PPP1R12A: variants seen among roughly 807,000 people sequenced by gnomAD.
PPP1R12A encodes the protein myosin binding subunit.
Under a neutral mutation model 139.6 loss-of-function variants are expected in PPP1R12A, and 19 were observed. The observed-to-expected ratio is 0.14, with a 90% CI of 0.09 to 0.20. The LOEUF is 0.20. Ranked by LOEUF, PPP1R12A falls within the 10% of genes least tolerant of loss-of-function variation. The probability of loss-of-function intolerance (pLI) is 1.00; values close to 1 mark genes in which losing one functional copy is unlikely to be tolerated. For missense variants in PPP1R12A, 925 were observed against 1,211.5 expected (o/e 0.76, Z 3.51); for synonymous variants, 427 against 420.6 (o/e 1.02, Z -0.19).
chr12:79,850,195 T>C (rs1051131593), intron 2 of PPP1R12A, among the ~76,000 whole-genome samples: 2 of 152,222 alleles, frequency 1.3e-5, no homozygotes, highest in Non-Finnish European at 2.9e-5. Context: ...GAAACTCTGA[T>C]TTGATAATTT....
In PPP1R12A at chr12:79,870,288, G is replaced by A. The variant is rs1458655925; in HGVS notation, c.368+2520C>T. ...ATCATTGTAACTGGCTAATTTTTTT[G>A]TATGTTTTGCAGACATGGGGTTTTG... On this transcript the variant is annotated intron_variant, in intron 2 of 24. Transcript: ENST00000450142. 3.3e-5 allele frequency among the ~76,000 whole-genome samples: 5 copies of A among 151,962 alleles called. No homozygotes were observed. In the East Asian group the frequency reaches 9.7e-4, roughly 29 times the overall value.
At chr12:79,904,856 C>A (rs537099232) in intron 1 of PPP1R12A, among the ~76,000 whole-genome samples, 5 of 152,080 alleles carry the variant, frequency 3.3e-5, no homozygotes, top group Admixed American at 3.3e-4. Context: ...AAAGTGGAGA[C>A]CAAGAGGGGA....
intron 3 of PPP1R12A, among the ~76,000 whole-genome samples, chr12:79,841,280 G>A (rs1565771595): frequency 6.6e-6 from 1 of 152,096 alleles, no homozygotes; most frequent in Non-Finnish European, 1.5e-5. Context: ...CTGTCCACCA[G>A]TTCCTTTCTT....
At chr12:79,832,280 GAAT>G in intron 4 of PPP1R12A, 49 bp downstream of exon 4, 1 of 1,494,788 alleles carries the variant, frequency 6.7e-7, no homozygotes, top group Non-Finnish European at 9.0e-7. Context: ...AAGGAACAAT[GAAT>G]AAAGAAGACA....
At chr12:79,829,680 T>C (rs532768873) in intron 4 of PPP1R12A, among the ~76,000 whole-genome samples, 1 of 152,130 alleles carries the variant, frequency 6.6e-6, no homozygotes, top group African/African-American at 2.4e-5. Flanking sequence ...TCCACTGATA[T>C]ATATTATCAG....
chr12:79,849,993 T>TAA (rs1364931410), intron 2 of PPP1R12A, among the ~76,000 whole-genome samples: 31 of 151,328 alleles, frequency 2.0e-4, no homozygotes, highest in African/African-American at 7.5e-4. Flanking sequence ...CCAGCTAAAT[T>TAA]TAAAAAAAAA....
chr12:79,773,678 G>C lies in PPP1R12A; in HGVS notation c.*2251C>G, dbSNP rs1869472291. On this transcript the variant is annotated 3_prime_UTR_variant, in exon 25 of 25. Coordinates refer to ENST00000450142, the MANE Select transcript of PPP1R12A (RefSeq NM_002480.3). Reference sequence around the variant, plus strand: ...GCATTTACAGATGTGCATGTACAATGCTGTGCAAATTATCACAATATTACA... The same window carrying C: ...GCATTTACAGATGTGCATGTACAATCCTGTGCAAATTATCACAATATTACA... The C allele has an allele frequency of 6.6e-6, 1 of 152,118 alleles. No homozygotes were observed. Among genetic ancestry groups the C allele is most frequent in the Non-Finnish European group, 1.5e-5 (1 of 68,002 alleles). 9.4% of individuals were successfully genotyped at this position (152,118 alleles called of 1,614,324 possible). A position where few individuals can be genotyped will look rare whatever the true frequency, so the allele number is the denominator to read the frequency against.
chr12:79,804,849 A>G (rs967076504), intron 14 of PPP1R12A, among the ~76,000 whole-genome samples: 1 of 152,186 alleles, frequency 6.6e-6, no homozygotes, highest in Non-Finnish European at 1.5e-5. Context: ...TAAAGCATAC[A>G]AAAGTAAAAT....
At chr12:79,860,009 C>T (rs904552121) in intron 2 of PPP1R12A, among the ~76,000 whole-genome samples, 3 of 152,094 alleles carry the variant, frequency 2.0e-5, no homozygotes, top group African/African-American at 4.8e-5. Context: ...AAGAAAAATG[C>T]GTTAAGTGCA....
chr12:79,906,939 T>A (rs1886176863), intron 1 of PPP1R12A, among the ~76,000 whole-genome samples: 1 of 152,188 alleles, frequency 6.6e-6, no homozygotes, highest in African/African-American at 2.4e-5. Flanking sequence ...GGATTACAGG[T>A]GTGAGCCACC....
At chr12:79,784,492 C>A (rs1479615734) in intron 22 of PPP1R12A, among the ~76,000 whole-genome samples, 1 of 152,146 alleles carries the variant, frequency 6.6e-6, no homozygotes, top group Non-Finnish European at 1.5e-5. Flanking sequence ...CCCTCTCTTG[C>A]AGGGTTTGAC....
chr12:79,824,308 T>C (rs1876501137), intron 5 of PPP1R12A, among the ~76,000 whole-genome samples: 1 of 152,196 alleles, frequency 6.6e-6, no homozygotes, highest in African/African-American at 2.4e-5. Flanking sequence ...TATGTGGAAA[T>C]AATTCAGTGA....
At chr12:79,846,596 ATTTTTTT>A (rs74933339) in intron 2 of PPP1R12A, among the ~76,000 whole-genome samples, 3 of 127,706 alleles carry the variant, frequency 2.3e-5, no homozygotes, top group African/African-American at 6.3e-5. Context: ...CGCGTGGCTC[ATTTTTTT>A]TTTTTTTTTT....
intron 13 of PPP1R12A, 156 bp from the exon 14 acceptor site, chr12:79,805,924 A>T: frequency 1.0e-6 from 1 of 957,404 alleles, no homozygotes; most frequent in Non-Finnish European, 1.5e-6. Flanking sequence ...AAGCTCACCC[A>T]GAGTTGTCAA....
At chr12:79,888,969 C>T (rs1328873224) in intron 1 of PPP1R12A, among the ~76,000 whole-genome samples, 7 of 152,188 alleles carry the variant, frequency 4.6e-5, no homozygotes, top group Non-Finnish European at 8.8e-5. Flanking sequence ...ATTTATTCTG[C>T]AGATACAATC....
At chr12:79,845,656 G>A (rs1224025659) in intron 2 of PPP1R12A, among the ~76,000 whole-genome samples, 11 of 152,118 alleles carry the variant, frequency 7.2e-5, no homozygotes, top group Non-Finnish European at 1.6e-4. Context: ...CTAACACGGT[G>A]AAACCCTGTC....
At position 79,785,758 on chromosome 12, in the gene PPP1R12A, TG is replaced by T. The variant is rs1311553491; in HGVS notation, c.2907+615del. On this transcript the variant is annotated intron_variant, in intron 22 of 24. Transcript: ENST00000450142. ...ATCACAAAGCTTTTTTTTTGTTTTTTGAAAGGAGGGAAATGAGGAGAAGATG... is the reference window on the plus strand; with the variant it reads ...ATCACAAAGCTTTTTTTTTGTTTTTTAAAGGAGGGAAATGAGGAGAAGATG... Among the ~76,000 whole-genome samples, 5 of 152,248 alleles carry T rather than the reference TG, an allele frequency of 3.3e-5. No individual in the cohort carries two copies. In the East Asian group the frequency reaches 9.7e-4, roughly 29 times the overall value.
chr12:79,861,686 C>T (rs765592440), intron 2 of PPP1R12A, among the ~76,000 whole-genome samples: 2 of 152,112 alleles, frequency 1.3e-5, no homozygotes, highest in Non-Finnish European at 2.9e-5. Context: ...GCGGGTCTCA[C>T]GCCCTTGCTC....
intron 5 of PPP1R12A, among the ~76,000 whole-genome samples, chr12:79,825,647 A>C (rs1213828794): frequency 6.6e-6 from 1 of 151,826 alleles, no homozygotes; most frequent in African/African-American, 2.4e-5. Context: ...CATGTTTTCT[A>C]GTACTAAATA....
Sources: allele counts gnomAD v4.1 joint callset (sites outside exome capture counted in the v4.1 genomes callset), GRCh38; gene constraint gnomAD v4.1.1; transcripts MANE v1.5; gene names NCBI Gene and HGNC (gene_info 2026-07-23, HGNC 2026-07-21).